Variants in CARD14 observed in about 807,000 individuals in gnomAD.
The protein encoded by CARD14 is caspase recruitment domain-containing protein 14.
CARD14 carries 107 observed loss-of-function variants against 111.5 expected under a neutral mutation model. The observed-to-expected ratio is 0.96, with a 90% CI of 0.82 to 1.13. The LOEUF (loss-of-function observed/expected upper bound fraction) is 1.13. CARD14 is among the 50% of genes most tolerant of loss of function. The pLI is 0.00. For synonymous variants in CARD14, 617 were observed against 579.6 expected, an observed-to-expected ratio of 1.06 and a Z score of -0.93; for missense variants, 1,322 against 1,362.3, an observed-to-expected ratio of 0.97 and a Z score of 0.47.
At chr17:80,192,024 C>G (rs1210337173) in intron 11 of CARD14, 2 of 155,564 alleles carry the variant, frequency 1.3e-5, no homozygotes, top group African/African-American at 4.8e-5. Flanking sequence ...CCCGGCCCTT[C>G]CTTCCTTACC....
chr17:80,203,740 C>T lies in CARD14; in HGVS notation c.2220-82C>T. On this transcript the variant is annotated intron_variant, in intron 18 of 23. Coordinates refer to ENST00000648509, the MANE Select transcript of CARD14 (RefSeq NM_001366385.1). This position sits in a 1 kb window ranked among gnomAD's most constrained non-coding sequence, Gnocchi z 4.6. Reference sequence around the variant, plus strand: ...CTTCTCTCCCACCCGGCCATCTCCCCCACTCTCCCCTGCTCGGCTCTCCCC... The same window carrying T: ...CTTCTCTCCCACCCGGCCATCTCCCTCACTCTCCCCTGCTCGGCTCTCCCC... The T allele has an allele frequency of 1.9e-6, 2 of 1,064,964 alleles. No homozygotes were observed. The highest frequency in any genetic ancestry group is 2.8e-5 in the South Asian group (2 of 70,466). 66.0% of individuals were successfully genotyped at this position (1,064,964 alleles called of 1,614,324 possible).
intron 2 of CARD14, among the ~76,000 whole-genome samples, chr17:80,173,948 G>A (rs1252100614): frequency 6.6e-6 from 1 of 152,056 alleles, no homozygotes; most frequent in East Asian, 1.9e-4. Flanking sequence ...AAATGTAGTA[G>A]AACAGTTTCA....
intron 12 of CARD14, among the ~76,000 whole-genome samples, chr17:80,194,713 G>C (rs1034774036): frequency 6.6e-6 from 1 of 152,120 alleles, no homozygotes; most frequent in Non-Finnish European, 1.5e-5. Context: ...TCAGCAAAGG[G>C]GGAAGCCCTT....
At chr17:80,191,581 G>GGT in intron 11 of CARD14, 109 bp downstream of exon 11, 1 of 1,416,780 alleles carries the variant, frequency 7.1e-7, no homozygotes. Context: ...GGACAGGCAG[G>GGT]GTCCCAGGCT....
chr17:80,179,535 G>T (rs1416356594), intron 4 of CARD14, among the ~76,000 whole-genome samples: 14 of 152,132 alleles, frequency 9.2e-5, no homozygotes, highest in Non-Finnish European at 1.8e-4. Context: ...ACTTCCATTT[G>T]TAGGAAATGA....
In CARD14 at chr17:80,203,760, C is replaced by G. The variant is rs1334547518; in HGVS notation, c.2220-62C>G. On this transcript the variant is annotated intron_variant, in intron 18 of 23. Transcript: ENST00000648509. This position sits in a 1 kb window ranked among gnomAD's most constrained non-coding sequence, Gnocchi z 4.6. ...CTCCCCCACTCTCCCCTGCTCGGCT[C>G]TCCCCTGCCCTGCTCACCTGGCAGG... The G allele has an allele frequency of 5.9e-6, 8 of 1,366,332 alleles. No individual in the cohort carries two copies. The highest frequency in any genetic ancestry group is 8.1e-6 in the Non-Finnish European group (8 of 987,924). The allele number at this position is 1,366,332 out of a possible 1,614,324, so 84.6% of individuals were successfully genotyped here. A position where few individuals can be genotyped will look rare whatever the true frequency, so the allele number is the denominator to read the frequency against.
rs1193362044 is a variant in CARD14 at position 80,205,171 on chromosome 17, G to A, written c.2535G>A (p.Leu845=). 49 of 1,613,598 alleles carry A rather than the reference G, an allele frequency of 3.0e-5. No homozygotes were observed. The highest frequency in any genetic ancestry group is 4.1e-5 in the Non-Finnish European group (48 of 1,179,880). The stretch of plus-strand genomic sequence containing the variant: ...TTGGGAAGATCCTGAGCGAGAAACT[G>A]TGCCTCCTCCAAGGGTTTAAGAAGT... ...RAVGKILSEK[L]CLLQGFKKCL... The change falls in exon 21 of 24, where the codon CTG becomes CTA. Residue 845 remains leucine (L), a synonymous_variant. Transcript: ENST00000648509.
chr17:80,191,559 G>A (rs1393105737), intron 11 of CARD14, 87 bp downstream of exon 11: 1 of 1,507,462 alleles, frequency 6.6e-7, no homozygotes, highest in East Asian at 2.3e-5. Flanking sequence ...GTGGCCCATG[G>A]AGGCACTGGG....
chr17:80,173,836 A>G (rs1186424802), intron 2 of CARD14, among the ~76,000 whole-genome samples: 1 of 152,044 alleles, frequency 6.6e-6, no homozygotes, highest in Non-Finnish European at 1.5e-5. Context: ...TGACCTTATG[A>G]TCTGCCCACC....
Position 80,201,791 on chromosome 17 carries a change from C to T in CARD14, c.1899C>T (p.Asp633=). ...SEPLFKAVLE[D]TTLEEAVGLL... ...CCTTGTTCAAGGCAGTCCTGGAGGA[C>T]ACGACCCTGGAGGAGGCCGTGGGGC... Residue 633 remains aspartate, a synonymous_variant, in exon 17 of 24, where the codon GAC becomes GAT. Transcript: ENST00000648509. This position sits in a 1 kb window ranked among gnomAD's most constrained non-coding sequence, Gnocchi z 5.0. 6.2e-7 allele frequency: 1 copy of T among 1,613,990 alleles called. No homozygotes were observed. The highest frequency in any genetic ancestry group is 8.5e-7 in the Non-Finnish European group (1 of 1,179,892).
Position 80,198,300 on chromosome 17 carries a change from A to T in CARD14, c.1659-99A>T. 1.9e-6 allele frequency: 3 copies of T among 1,567,424 alleles called. No individual in the cohort carries two copies. Among genetic ancestry groups the T allele is most frequent in the Non-Finnish European group, 2.6e-6 (3 of 1,151,982 alleles). ...CATGGGGCCATGGAGGGGGAGGAGA[A>T]TTCCAGAACACTGGGGCCAGAGGGA... On this transcript the variant is annotated intron_variant, in intron 15 of 23. Coordinates refer to ENST00000648509, the MANE Select transcript of CARD14 (RefSeq NM_001366385.1). This position sits in a 1 kb window ranked among gnomAD's most constrained non-coding sequence, Gnocchi z 7.5.
intron 7 of CARD14, chr17:80,187,716 A>C (rs1399651268): frequency 1.0e-6 from 1 of 980,252 alleles, no homozygotes; most frequent in African/African-American, 1.8e-5. Flanking sequence ...TCACGGGGAA[A>C]GTCCTGCCTC....
intron 21 of CARD14, 134 bp downstream of exon 21, chr17:80,205,339 T>G: frequency 1.7e-6 from 2 of 1,154,728 alleles, no homozygotes; most frequent in African/African-American, 3.1e-5. Flanking sequence ...TCACCTGCTG[T>G]GTCCAGATAG....
rs775709259 is a variant in CARD14 at position 80,198,462 on chromosome 17, C to T, written c.1722C>T (p.Phe574=). ...TGAGCCAGGTCACCATGCTGGCGTT[C>T]CAGGGGGATGCATTGCTGGAGCAGA... ...RILSQVTMLA[F]QGDALLEQIS... Residue 574 remains phenylalanine, a synonymous_variant, in exon 16 of 24, where the codon TTC becomes TTT. Coordinates refer to ENST00000648509, the MANE Select transcript of CARD14 (RefSeq NM_001366385.1). The surrounding 1 kb of genome is among the most constrained non-coding windows in gnomAD (Gnocchi z 7.5). The T allele has an allele frequency of 1.2e-6, 2 of 1,612,656 alleles. No homozygotes were observed. Among genetic ancestry groups the T allele is most frequent in the Admixed American group, 3.3e-5 (2 of 60,000 alleles).
chr17:80,177,370 G>T (rs993222331), intron 2 of CARD14, among the ~76,000 whole-genome samples: 6 of 152,062 alleles, frequency 3.9e-5, no homozygotes, highest in African/African-American at 1.4e-4. Flanking sequence ...GCGACTACAG[G>T]TGTGCACCAC....
chr17:80,195,057 G>A lies in CARD14; in HGVS notation c.1357-134G>A, dbSNP rs1324650497. On this transcript the variant is annotated intron_variant, in intron 12 of 23. Coordinates refer to ENST00000648509, the MANE Select transcript of CARD14 (RefSeq NM_001366385.1). This position sits in a 1 kb window ranked among gnomAD's most constrained non-coding sequence, Gnocchi z 4.7. ...GTGCTCAGCGCATGTGACCCCATGT[G>A]TGTCCTTCTTTCCCCTCCTGCCTCC... The A allele has an allele frequency of 1.7e-6, 2 of 1,149,612 alleles. No individual in the cohort carries two copies. Among genetic ancestry groups the A allele is most frequent in the African/African-American group, 1.5e-5 (1 of 64,560 alleles). 71.2% of individuals were successfully genotyped at this position (1,149,612 alleles called of 1,614,324 possible).
In CARD14 at chr17:80,203,622, G is replaced by A. The variant is rs2041111167; in HGVS notation, c.2220-200G>A. 2 of 521,824 alleles carry A rather than the reference G, an allele frequency of 3.8e-6. No homozygotes were observed. Among genetic ancestry groups the A allele is most frequent in the Non-Finnish European group, 6.8e-6 (2 of 294,388 alleles). 32.3% of individuals were successfully genotyped at this position (521,824 alleles called of 1,614,324 possible). A position where few individuals can be genotyped will look rare whatever the true frequency, so the allele number is the denominator to read the frequency against. ...TCTCCAGGGGTGGGCCGAGGCCCTG[G>A]AGTCTTTTGAAAGCTCTGGAGACTG... On this transcript the variant is annotated intron_variant, in intron 18 of 23. Transcript: ENST00000648509. The surrounding 1 kb of genome is among the most constrained non-coding windows in gnomAD (Gnocchi z 4.6).
intron 2 of CARD14, 138 bp from the exon 3 acceptor site, chr17:80,178,370 C>T (rs530616055): frequency 3.3e-5 from 5 of 152,326 alleles, no homozygotes; most frequent in East Asian, 1.9e-4. Context: ...GTCAAAGGTC[C>T]GTCGAGTTAT....
At chr17:80,177,265 G>C (rs1482732509) in intron 2 of CARD14, among the ~76,000 whole-genome samples, 3 of 151,500 alleles carry the variant, frequency 2.0e-5, no homozygotes, top group Admixed American at 1.3e-4. Context: ...GTCTTGCTCT[G>C]TCGTCCAGGC....
Sources: gnomAD v4.1 joint callset for allele counts (sites outside exome capture counted in the v4.1 genomes callset) on GRCh38, gnomAD v4.1.1 for gene constraint, Gnocchi (gnomAD v3.1) non-coding constraint, MANE v1.5 for transcripts, NCBI Gene and HGNC (gene_info 2026-07-23, HGNC 2026-07-21) for gene names.